Variants in RANBP2 observed in about 807,000 individuals in gnomAD.
RANBP2 encodes the protein E3 SUMO-protein ligase RanBP2.
RANBP2 carries 57 observed loss-of-function variants against 303.6 expected under a neutral mutation model. That is an observed-to-expected ratio of 0.19 (90% CI 0.15 to 0.23). RANBP2 has a LOEUF of 0.23. Ranked by LOEUF, RANBP2 falls within the 10% of genes least tolerant of loss-of-function variation. RANBP2 has a pLI of 1.00. For synonymous variants in RANBP2, 1,167 were observed against 1,301.5 expected, an observed-to-expected ratio of 0.90 and a Z score of 2.23; for missense variants, 3,138 against 3,780.8, an observed-to-expected ratio of 0.83 and a Z score of 4.46.
chr2:109,468,213 G>A, the RANBP2 span, among the ~76,000 whole-genome samples: 1 of 152,216 alleles, frequency 6.6e-6, no homozygotes, highest in African/African-American at 2.4e-5. Context: ...AGGCTGTGTG[G>A]TGTAGTCTCT....
the RANBP2 span, among the ~76,000 whole-genome samples, chr2:109,426,358 A>G: frequency 7.9e-5 from 12 of 152,242 alleles, no homozygotes; most frequent in African/African-American, 1.2e-4. Flanking sequence ...CAAAATATCA[A>G]CATTAACAGG....
the RANBP2 span, chr2:109,347,629 G>C: frequency 6.3e-7 from 1 of 1,592,612 alleles, no homozygotes; most frequent in Admixed American, 1.7e-5. Flanking sequence ...GTGGGGCATT[G>C]GGAAGGGGCA....
At chr2:109,761,322 T>A in the RANBP2 span, among the ~76,000 whole-genome samples, 1 of 138,750 alleles carries the variant, frequency 7.2e-6, no homozygotes, top group Non-Finnish European at 1.6e-5. Flanking sequence ...GGGAAACGAG[T>A]GTTTCTCCGT....
chr2:109,105,114 C>A, the RANBP2 span, among the ~76,000 whole-genome samples: 1 of 152,162 alleles, frequency 6.6e-6, no homozygotes, highest in Non-Finnish European at 1.5e-5. Flanking sequence ...TCGCAGCTGG[C>A]ACCAGGGAAA....
the RANBP2 span, among the ~76,000 whole-genome samples, chr2:109,290,801 C>G: frequency 6.6e-6 from 1 of 152,232 alleles, no homozygotes; most frequent in Admixed American, 6.5e-5. Flanking sequence ...ACACAGCACT[C>G]TTGATGGCTT....
At chr2:109,655,249 T>A in the RANBP2 span, among the ~76,000 whole-genome samples, 1 of 152,170 alleles carries the variant, frequency 6.6e-6, no homozygotes, top group Non-Finnish European at 1.5e-5. Context: ...CAGGTGGCCA[T>A]GAACTATGTG....
At chr2:108,803,969 A>G in the RANBP2 span, among the ~76,000 whole-genome samples, 1 of 152,326 alleles carries the variant, frequency 6.6e-6, no homozygotes, top group Admixed American at 6.5e-5. Context: ...TAAGGAATCA[A>G]TATAGTAATA....
the RANBP2 span, among the ~76,000 whole-genome samples, chr2:109,604,193 A>C: frequency 6.7e-6 from 1 of 149,912 alleles, no homozygotes; most frequent in Non-Finnish European, 1.5e-5. Flanking sequence ...TTAAAAAAAA[A>C]ATTAGCCAGG....
the RANBP2 span, among the ~76,000 whole-genome samples, chr2:109,252,499 C>G: frequency 6.6e-6 from 1 of 152,236 alleles, no homozygotes; most frequent in African/African-American, 2.4e-5. Flanking sequence ...TCCTGGTGTT[C>G]CTGGGACTGA....
the RANBP2 span, among the ~76,000 whole-genome samples, chr2:109,134,409 A>C: frequency 6.6e-6 from 1 of 152,178 alleles, no homozygotes; most frequent in Non-Finnish European, 1.5e-5. Context: ...ATGACAGCTG[A>C]GTTACAGCAA....
At position 108,738,650 on chromosome 2, in the gene RANBP2, C is replaced by T. The variant is rs529396115; in HGVS notation, c.783-1839C>T. On this transcript the variant is annotated intron_variant, in intron 6 of 28. Coordinates refer to ENST00000283195, the MANE Select transcript of RANBP2 (RefSeq NM_006267.5). ...TAGCTTTTTTTTTTTTTTTTTGAGA[C>T]GGAGTTTTGCTCTTGTTGCCCAGGC... is the stretch of plus-strand genomic sequence containing the variant. Among the ~76,000 whole-genome samples the T allele has an allele frequency of 2.1e-3, 268 of 127,654 alleles. 3 individuals are homozygous for T. Among genetic ancestry groups the T allele is most frequent in the African/African-American group, 7.7e-3 (258 of 33,458 alleles). The allele number at this position is 127,654 out of a possible 152,430, so 83.7% of individuals were successfully genotyped here.
the RANBP2 span, among the ~76,000 whole-genome samples, chr2:109,337,079 C>T: frequency 1.3e-5 from 2 of 152,212 alleles, no homozygotes; most frequent in Non-Finnish European, 2.9e-5. Context: ...TATTTAGTAT[C>T]CTAAATGTAA....
the RANBP2 span, among the ~76,000 whole-genome samples, chr2:109,707,355 G>T: frequency 2.6e-5 from 4 of 152,148 alleles, no homozygotes; most frequent in Non-Finnish European, 4.4e-5. Context: ...CTTCCACTTA[G>T]ATTTGACATA....
At chr2:108,977,191 C>T in the RANBP2 span, among the ~76,000 whole-genome samples, 3 of 152,340 alleles carry the variant, frequency 2.0e-5, no homozygotes, top group South Asian at 4.1e-4. Context: ...CCCTGCACCC[C>T]TGACCACCCC....
the RANBP2 span, among the ~76,000 whole-genome samples, chr2:109,262,213 A>G: frequency 0.25 from 38,518 of 152,208 alleles, 5,294 homozygotes; most frequent in East Asian, 0.46. Context: ...AAGAAGACCA[A>G]CATCATGATT....
the RANBP2 span, among the ~76,000 whole-genome samples, chr2:109,497,928 AG>A: frequency 1.1e-4 from 17 of 152,284 alleles, no homozygotes; most frequent in African/African-American, 4.1e-4. Flanking sequence ...GGGAAGAGAG[AG>A]GAGGAGCAGG....
the RANBP2 span, among the ~76,000 whole-genome samples, chr2:109,056,487 C>T: frequency 6.6e-6 from 1 of 152,116 alleles, no homozygotes; most frequent in South Asian, 2.1e-4. Flanking sequence ...GTCTTTAGAT[C>T]TCTTCTTCCC....
At chr2:108,832,577 C>T in the RANBP2 span, among the ~76,000 whole-genome samples, 1 of 152,182 alleles carries the variant, frequency 6.6e-6, no homozygotes, top group South Asian at 2.1e-4. Flanking sequence ...GAACTCCTGA[C>T]CCAGAATTTG....
chr2:109,224,229 C>G, the RANBP2 span, among the ~76,000 whole-genome samples: 4 of 152,164 alleles, frequency 2.6e-5, no homozygotes, highest in Non-Finnish European at 4.4e-5. Context: ...GCTTGAATAG[C>G]TAATCAGATC....
Sources: gnomAD v4.1 joint callset for allele counts (sites outside exome capture counted in the v4.1 genomes callset) on GRCh38, gnomAD v4.1.1 for gene constraint, MANE v1.5 for transcripts, NCBI Gene and HGNC (gene_info 2026-07-23, HGNC 2026-07-21) for gene names.